Variants in COG6 observed in about 807,000 individuals in gnomAD.
COG6 encodes conserved oligomeric Golgi complex subunit 6.
A neutral mutation model predicts 88.8 loss-of-function variants in COG6; 74 were observed. The ratio of observed to expected loss-of-function variants is 0.83; its 90% CI spans 0.69 to 1.01. The LOEUF (loss-of-function observed/expected upper bound fraction) is 1.01. Ranked by LOEUF, COG6 falls within the 50% of genes least tolerant of loss-of-function variation. The probability of loss-of-function intolerance (pLI) is 0.00; values close to 1 mark genes in which losing one functional copy is unlikely to be tolerated. For missense variants in COG6, 800 were observed against 797.9 expected (o/e 1.00, Z -0.03); for synonymous variants, 286 against 278.7 (o/e 1.03, Z -0.26).
chr13:39,733,980 C>T (rs9576892), intron 18 of COG6, among the ~76,000 whole-genome samples: 63,177 of 151,900 alleles, frequency 0.42, 13,508 homozygotes, highest in Admixed American at 0.57. Flanking sequence ...TCTCCTTTTT[C>T]ATCTCTGATT....
intron 13 of COG6, among the ~76,000 whole-genome samples, chr13:39,706,452 G>A (rs9603595): frequency 0.1 from 15,764 of 151,306 alleles, 1,036 homozygotes; most frequent in East Asian, 0.2. Context: ...TAAAACTAAA[G>A]TTGGTAGTGG....
intron 13 of COG6, among the ~76,000 whole-genome samples, chr13:39,711,971 A>C (rs1004500358): frequency 2.0e-5 from 3 of 152,192 alleles, no homozygotes; most frequent in Non-Finnish European, 4.4e-5. Context: ...GCGATTCTCC[A>C]GCTTCAGCCT....
intron 18 of COG6, among the ~76,000 whole-genome samples, chr13:39,736,808 T>C (rs1449529609): frequency 6.6e-6 from 1 of 152,224 alleles, no homozygotes. Context: ...TGTCTGTCAC[T>C]CTAGGGTTGG....
chr13:39,656,126 A>C, intron 1 of COG6: 1 of 647,460 alleles, frequency 1.5e-6, no homozygotes, highest in Non-Finnish European at 2.9e-6. Context: ...GGTGCCTTCA[A>C]GGCTCTCTGG....
chr13:39,778,017 A>G (rs969632037), intron 18 of COG6, among the ~76,000 whole-genome samples: 3 of 152,208 alleles, frequency 2.0e-5, no homozygotes, highest in Non-Finnish European at 2.9e-5. Flanking sequence ...CAAAGAGTCA[A>G]TCTTCTGAGA....
At chr13:39,779,018 A>G (rs1881550499) in intron 18 of COG6, among the ~76,000 whole-genome samples, 1 of 152,222 alleles carries the variant, frequency 6.6e-6, no homozygotes, top group African/African-American at 2.4e-5. Context: ...AAATCAAGGG[A>G]GAAGGAAAAT....
At chr13:39,738,696 A>T (rs1348237206) in intron 18 of COG6, among the ~76,000 whole-genome samples, 1 of 152,206 alleles carries the variant, frequency 6.6e-6, no homozygotes, top group Non-Finnish European at 1.5e-5. Context: ...GTTTAAAAGG[A>T]TGACAAAAGA....
intron 15 of COG6, among the ~76,000 whole-genome samples, chr13:39,721,334 G>T (rs770784645): frequency 6.6e-6 from 1 of 152,112 alleles, no homozygotes; most frequent in Non-Finnish European, 1.5e-5. Flanking sequence ...ACCATTGGAT[G>T]TGTCAACTGG....
chr13:39,790,425 T>TC (rs532002456), exon 19 of COG6: 243 of 152,286 alleles, frequency 1.6e-3, no homozygotes, highest in African/African-American at 5.7e-3. Flanking sequence ...GTAGTCTTTT[T>TC]CCCATTGTTG....
chr13:39,741,949 C>T (rs1880067101), intron 18 of COG6, among the ~76,000 whole-genome samples: 2 of 152,162 alleles, frequency 1.3e-5, no homozygotes, highest in Admixed American at 6.5e-5. Context: ...GGTCAATATT[C>T]AACATTCTTA....
At chr13:39,747,950 T>C (rs1369345292) in intron 18 of COG6, among the ~76,000 whole-genome samples, 1 of 152,228 alleles carries the variant, frequency 6.6e-6, no homozygotes, top group Non-Finnish European at 1.5e-5. Flanking sequence ...ATATTTATAA[T>C]TGTACATTAT....
chr13:39,752,923 A>G (rs922499771), downstream of COG6, among the ~76,000 whole-genome samples: 2 of 152,180 alleles, frequency 1.3e-5, no homozygotes, highest in Admixed American at 6.6e-5. Flanking sequence ...CCCTTCTTTC[A>G]GAGAGGAAAG....
chr13:39,761,549 A>G (rs1039970916), intron 18 of COG6, among the ~76,000 whole-genome samples: 2 of 151,992 alleles, frequency 1.3e-5, no homozygotes, highest in African/African-American at 4.8e-5. Context: ...ATATCAAACT[A>G]AAAAGATTCA....
chr13:39,756,592 A>C (rs780633855), downstream of COG6, among the ~76,000 whole-genome samples: 3 of 152,220 alleles, frequency 2.0e-5, no homozygotes, highest in Non-Finnish European at 4.4e-5. Context: ...AACTGTTATA[A>C]GCCAAAGGCT....
At chr13:39,727,645 G>T in intron 18 of COG6, 97 bp downstream of exon 18, 2 of 909,494 alleles carry the variant, frequency 2.2e-6, no homozygotes, top group South Asian at 2.7e-5. Context: ...AAGAATAAAT[G>T]ATTTACCATT....
chr13:39,771,101 A>G (rs2138176831), intron 18 of COG6, among the ~76,000 whole-genome samples: 1 of 152,252 alleles, frequency 6.6e-6, no homozygotes, highest in Admixed American at 6.5e-5. Flanking sequence ...GGCACTGCTG[A>G]GCACTGCCAC....
At chr13:39,755,967 C>A (rs920248470), downstream of COG6, among the ~76,000 whole-genome samples, 16 of 152,090 alleles carry the variant, frequency 1.1e-4, no homozygotes, top group African/African-American at 3.9e-4. Context: ...CAACAACAAA[C>A]GGGGTGGGGC....
At chr13:39,672,999 T>C (rs987231896) in intron 4 of COG6, among the ~76,000 whole-genome samples, 2 of 151,376 alleles carry the variant, frequency 1.3e-5, no homozygotes, top group Admixed American at 1.3e-4. Flanking sequence ...GTCAAGCATC[T>C]TTTTTTTGCT....
chr13:39,665,571 G>A (rs774650472), intron 4 of COG6, among the ~76,000 whole-genome samples: 2 of 151,974 alleles, frequency 1.3e-5, no homozygotes, highest in Non-Finnish European at 2.9e-5. Context: ...TTATACAATA[G>A]GTATACTATT....
Sources: gnomAD v4.1 joint callset for allele counts (sites outside exome capture counted in the v4.1 genomes callset) on GRCh38, gnomAD v4.1.1 for gene constraint, MANE v1.5 for transcripts, NCBI Gene and HGNC (gene_info 2026-07-23, HGNC 2026-07-21) for gene names.